The following STYXL1 variants were observed in gnomAD, a reference collection of about 807,000 sequenced individuals.
STYXL1 encodes serine/threonine/tyrosine-interacting-like protein 1.
STYXL1 carries 32 observed loss-of-function variants against 36.4 expected under a neutral mutation model. The observed-to-expected ratio is 0.88, with a 90% confidence interval of 0.66 to 1.18. The LOEUF (loss-of-function observed/expected upper bound fraction) is 1.18. Ranked by LOEUF, STYXL1 falls within the 50% of genes most tolerant of loss-of-function variation. The pLI is 0.00. For missense variants in STYXL1, 354 were observed against 394.1 expected, an observed-to-expected ratio of 0.90 and a Z score of 0.86; for synonymous variants, 133 against 144.1, an observed-to-expected ratio of 0.92 and a Z score of 0.55.
intron 1 of STYXL1, among the ~76,000 whole-genome samples, chr7:76,036,739 A>C (rs1004263137): frequency 6.6e-6 from 1 of 150,780 alleles, no homozygotes; most frequent in South Asian, 2.1e-4. Context: ...GGCAAATTTA[A>C]GACATCCTCC....
intron 1 of STYXL1, among the ~76,000 whole-genome samples, chr7:76,033,676 T>C (rs1280993097): frequency 6.6e-6 from 1 of 152,176 alleles, no homozygotes; most frequent in African/African-American, 2.4e-5. Context: ...CTCCACAGCA[T>C]CATCAGTTTC....
chr7:76,026,447 T>C (rs1275718957), intron 3 of STYXL1, among the ~76,000 whole-genome samples: 1 of 151,786 alleles, frequency 6.6e-6, no homozygotes, highest in African/African-American at 2.4e-5. Flanking sequence ...ACTGAGTTAA[T>C]TTTTCAATTT....
At position 76,000,877 on chromosome 7, in the gene STYXL1, G is replaced by A. The variant is rs549736706; in HGVS notation, c.810+13C>T. ...GGTGGCCGTGGTGCGAGCCTGGCCCGGGGAACGCATACCTGCAAGGTCTGC... is the reference window on the plus strand; with the variant it reads ...GGTGGCCGTGGTGCGAGCCTGGCCCAGGGAACGCATACCTGCAAGGTCTGC... On this transcript the variant is annotated intron_variant, in intron 8 of 8. Coordinates refer to ENST00000359697, the MANE Select transcript of STYXL1 (RefSeq NM_001317785.2). 1.7e-5 allele frequency: 27 copies of A among 1,610,478 alleles called. No homozygotes were observed. In the Middle Eastern group the frequency reaches 5.0e-4, roughly 30 times the overall value.
intron 4 of STYXL1, 151 bp from the exon 5 acceptor site, chr7:76,014,038 G>GAT: frequency 1.3e-6 from 1 of 771,476 alleles, no homozygotes; most frequent in Non-Finnish European, 1.9e-6. Flanking sequence ...GAGTGCAGTG[G>GAT]TGCGATCTCG....
chr7:76,037,163 G>A (rs1287088214), intron 1 of STYXL1, among the ~76,000 whole-genome samples: 1 of 149,976 alleles, frequency 6.7e-6, no homozygotes, highest in Non-Finnish European at 1.5e-5. Context: ...AAGGCAGAAG[G>A]AACTCCCGAC....
rs535889914 is a variant in STYXL1, at chr7:76,006,621, G to A, written c.454-1217C>T. 3.9e-5 allele frequency among the ~76,000 whole-genome samples: 6 copies of A among 152,026 alleles called. No homozygotes were observed. In the East Asian group the frequency reaches 5.8e-4, roughly 15 times the overall value. On this transcript the variant is annotated intron_variant, in intron 5 of 8. Transcript: ENST00000359697. ...TTCTAAAAAATACAAAAAATTAGCC[G>A]GGCATGGTGGCGGGCACCTGTAATC...
chr7:76,042,789 C>G (rs1554582486), intron 1 of STYXL1, among the ~76,000 whole-genome samples: 1 of 152,174 alleles, frequency 6.6e-6, no homozygotes, highest in African/African-American at 2.4e-5. Context: ...GTTCTCCTTT[C>G]AGAATCTCAA....
intron 5 of STYXL1, among the ~76,000 whole-genome samples, chr7:76,012,644 C>G (rs905476501): frequency 2.6e-5 from 4 of 152,334 alleles, no homozygotes; most frequent in Admixed American, 2.6e-4. Context: ...ATCCATCCAG[C>G]TTGGCCTCCA....
chr7:76,000,823 A>T, intron 8 of STYXL1, 67 bp downstream of exon 8: 6 of 1,419,370 alleles, frequency 4.2e-6, no homozygotes, highest in Non-Finnish European at 6.0e-6. Context: ...CACTCCTCCC[A>T]GGTTGCGCTC....
At chr7:76,020,635 G>A (rs1292919963) in intron 4 of STYXL1, among the ~76,000 whole-genome samples, 3 of 152,178 alleles carry the variant, frequency 2.0e-5, no homozygotes, top group African/African-American at 7.2e-5. Flanking sequence ...ACTTTTAAAA[G>A]CTTAAGTCTC....
chr7:76,014,461 C>T lies in STYXL1; in HGVS notation c.308-574G>A, dbSNP rs145940624. ...CCAGCTCCTGGGCTCACACCATCCT[C>T]CCACCTCAGCCTCCCGAGTAGCTGG... On this transcript the variant is annotated intron_variant, in intron 4 of 8. Coordinates refer to ENST00000359697, the MANE Select transcript of STYXL1 (RefSeq NM_001317785.2). Among the ~76,000 whole-genome samples, 205 of 152,090 alleles carry T rather than the reference C, an allele frequency of 1.3e-3. 9 individuals are homozygous for T. The South Asian group carries it at 0.038, about 28-fold the overall frequency.
intron 1 of STYXL1, among the ~76,000 whole-genome samples, chr7:76,039,743 G>A (rs1796299010): frequency 6.6e-6 from 1 of 152,124 alleles, no homozygotes; most frequent in African/African-American, 2.4e-5. Flanking sequence ...CGCCTCCCAA[G>A]TTCAAGCAAT....
intron 8 of STYXL1, among the ~76,000 whole-genome samples, chr7:75,998,183 T>C (rs781832326): frequency 3.3e-5 from 5 of 152,170 alleles, no homozygotes; most frequent in Admixed American, 3.3e-4. Context: ...TTTCAAACCT[T>C]AGTCTAACAA....
rs1020309818 is a variant in STYXL1, at chr7:76,035,301, G to A, written c.-4-4774C>T. Among the ~76,000 whole-genome samples, 4 of 152,200 alleles carry A rather than the reference G, an allele frequency of 2.6e-5. No individual in the cohort carries two copies. The East Asian group carries it at 7.7e-4, about 29-fold the overall frequency. On this transcript the variant is annotated intron_variant, in intron 1 of 8. Transcript: ENST00000359697. Reference sequence around the variant, plus strand: ...GTTTCATCTTCACATAATAGTCCGGGAAATCTTTAAAATCTGAGTAGGGCC... The same window carrying A: ...GTTTCATCTTCACATAATAGTCCGGAAAATCTTTAAAATCTGAGTAGGGCC...
Position 76,047,923 on chromosome 7 carries a change from G to C in STYXL1, c.-266C>G. On this transcript the variant is annotated 5_prime_UTR_variant, in exon 1 of 9. Transcript: ENST00000359697. ...CCGCAGGTCCCCCACCGGCCACACA[G>C]ACGGCTACGCTAGAACCCAGCCAAA... 7.0e-7 allele frequency: 1 copy of C among 1,427,934 alleles called. No homozygotes were observed. The highest frequency in any genetic ancestry group is 9.2e-7 in the Non-Finnish European group (1 of 1,092,684). The allele number at this position is 1,427,934 out of a possible 1,614,324, so 88.5% of individuals were successfully genotyped here.
intron 1 of STYXL1, among the ~76,000 whole-genome samples, chr7:76,041,166 C>G (rs1315031581): frequency 1.3e-5 from 2 of 150,608 alleles, no homozygotes; most frequent in African/African-American, 4.9e-5. Flanking sequence ...GTGAGAACCT[C>G]CCCCCATCTC....
At position 76,029,187 on chromosome 7, in the gene STYXL1, T is replaced by A. The variant is rs180930105; in HGVS notation, c.104-484A>T. Among the ~76,000 whole-genome samples the A allele has an allele frequency of 3.3e-5, 5 of 152,098 alleles. No individual in the cohort carries two copies. The East Asian group carries it at 9.7e-4, about 29-fold the overall frequency. ...GAAGTGAGCTCACACTAAATCCCCA[T>A]CCAGGTTGGAGTGCAGTGGCATGAT... On this transcript the variant is annotated intron_variant, in intron 2 of 8. Transcript: ENST00000359697.
At position 76,029,999 on chromosome 7, in the gene STYXL1, A is replaced by T. The variant is rs6964643; in HGVS notation, c.103+422T>A. On this transcript the variant is annotated intron_variant, in intron 2 of 8. Coordinates refer to ENST00000359697, the MANE Select transcript of STYXL1 (RefSeq NM_001317785.2). ...GTTGGGGGTTGCGGACTTCTTTTTTATTTTTTTTTTTCTTTTTTGAGACAG... is the reference window on the plus strand; with the variant it reads ...GTTGGGGGTTGCGGACTTCTTTTTTTTTTTTTTTTTTCTTTTTTGAGACAG... Among the ~76,000 whole-genome samples, 11 of 147,700 alleles carry T rather than the reference A, an allele frequency of 7.4e-5. 1 individual carries two copies. Among genetic ancestry groups the T allele is most frequent in the African/African-American group, 2.7e-4 (11 of 40,360 alleles).
chr7:76,037,817 A>G lies in STYXL1; in HGVS notation c.-4-7290T>C, dbSNP rs1005229395. Among the ~76,000 whole-genome samples the G allele has an allele frequency of 3.3e-5, 5 of 149,836 alleles. 1 individual carries two copies. The highest frequency in any genetic ancestry group is 6.0e-5 in the Non-Finnish European group (4 of 66,996). ...AGCTTCACTTTGAGACTCTGGCTCA[A>G]GCTGACCAGCCCAGGTAAGGGTCAG... On this transcript the variant is annotated intron_variant, in intron 1 of 8. Coordinates refer to ENST00000359697, the MANE Select transcript of STYXL1 (RefSeq NM_001317785.2).
Sources: gnomAD v4.1 joint callset for allele counts (sites outside exome capture counted in the v4.1 genomes callset) on GRCh38, gnomAD v4.1.1 for gene constraint, MANE v1.5 for transcripts, NCBI Gene and HGNC (gene_info 2026-07-23, HGNC 2026-07-21) for gene names.